The following SPRY4 variants were observed in gnomAD, a reference collection of about 807,000 sequenced individuals.
SPRY4 encodes the protein sprouty RTK signaling antagonist 4.
A neutral mutation model predicts 17.0 loss-of-function variants in SPRY4; 7 were observed. The observed-to-expected ratio is 0.41, with a 90% CI of 0.23 to 0.77. The LOEUF (loss-of-function observed/expected upper bound fraction) is 0.77. Ranked by LOEUF, SPRY4 falls within the 30% of genes least tolerant of loss-of-function variation. The pLI, the probability that SPRY4 is intolerant of heterozygous loss-of-function variation, is 0.32. For missense variants in SPRY4, 435 were observed against 419.9 expected, an observed-to-expected ratio of 1.04 and a Z score of -0.31; for synonymous variants, 183 against 174.1, an observed-to-expected ratio of 1.05 and a Z score of -0.40.
At chr5:142,320,958 C>T (rs1482929327) in intron 1 of SPRY4, among the ~76,000 whole-genome samples, 1 of 152,260 alleles carries the variant, frequency 6.6e-6, no homozygotes, top group African/African-American at 2.4e-5. Flanking sequence ...CCAGATCCAG[C>T]ACATCTGTGC....
chr5:142,317,942 C>T, intron 1 of SPRY4: 1 of 985,372 alleles, frequency 1.0e-6, no homozygotes, highest in South Asian at 4.7e-5. Context: ...CCGATGGCTC[C>T]ACTGGGCATA....
chr5:142,320,545 CTATT>C (rs1241400917), intron 1 of SPRY4, among the ~76,000 whole-genome samples: 3 of 152,034 alleles, frequency 2.0e-5, no homozygotes, highest in African/African-American at 7.3e-5. Flanking sequence ...GGGCTTTGGG[CTATT>C]TAATCAGCTT....
At position 142,313,529 on chromosome 5, in the gene SPRY4, A is replaced by G. The variant is rs1295144820; in HGVS notation, c.*680T>C. 6.6e-6 allele frequency: 1 copy of G among 151,938 alleles called. No homozygotes were observed. Among genetic ancestry groups the G allele is most frequent in the Non-Finnish European group, 1.5e-5 (1 of 68,060 alleles). The allele number at this position is 151,938 out of a possible 1,614,324, so 9.4% of individuals were successfully genotyped here. ...GCAGTTGGAAGGGAGAAGTGCACTG[A>G]GCAGTGGCTCCTAAATCCATCCTGT... On this transcript the variant is annotated 3_prime_UTR_variant, in exon 2 of 2. Transcript: ENST00000434127.
At chr5:142,316,890 C>T (rs1043720804) in intron 1 of SPRY4, among the ~76,000 whole-genome samples, 5 of 152,258 alleles carry the variant, frequency 3.3e-5, no homozygotes, top group Non-Finnish European at 7.3e-5. Context: ...CAACTATTGG[C>T]TTTGCTCCCA....
At chr5:142,317,498 G>A (rs1254809203) in intron 1 of SPRY4, 1 of 985,362 alleles carries the variant, frequency 1.0e-6, no homozygotes. Context: ...CCAACACAAT[G>A]TAGGCAGCAG....
At chr5:142,317,846 T>C in intron 1 of SPRY4, 1 of 985,358 alleles carries the variant, frequency 1.0e-6, no homozygotes, top group Non-Finnish European at 1.2e-6. Flanking sequence ...GAGGCAGCTG[T>C]CAACATCTGG....
chr5:142,324,979 T>G lies in SPRY4; in HGVS notation c.-183A>C, dbSNP rs146162871. The G allele has an allele frequency of 5.2e-5, 8 of 152,640 alleles. No individual in the cohort carries two copies. Among genetic ancestry groups the G allele is most frequent in the African/African-American group, 1.9e-4 (8 of 41,456 alleles). The allele number at this position is 152,640 out of a possible 1,614,324, so 9.5% of individuals were successfully genotyped here. Reference sequence around the variant, plus strand: ...GCTCCCTGCGCTCCACAGCGCCAGCTCCGCGCTGTCAGCTCAGCTCGCTAC... The same window carrying G: ...GCTCCCTGCGCTCCACAGCGCCAGCGCCGCGCTGTCAGCTCAGCTCGCTAC... On this transcript the variant is annotated 5_prime_UTR_variant, in exon 1 of 2. Coordinates refer to ENST00000434127, the MANE Select transcript of SPRY4 (RefSeq NM_001127496.3).
chr5:142,314,009 C>T lies in SPRY4; in HGVS notation c.*200G>A, dbSNP rs1325280520. 2 of 612,820 alleles carry T rather than the reference C, an allele frequency of 3.3e-6. No homozygotes were observed. Among genetic ancestry groups the T allele is most frequent in the East Asian group, 5.5e-5 (2 of 36,038 alleles). 38.0% of individuals were successfully genotyped at this position (612,820 alleles called of 1,614,324 possible). A position where few individuals can be genotyped will look rare whatever the true frequency, so the allele number is the denominator to read the frequency against. ...AGTTTCAGGACCCTGAAAAAAAGCC[C>T]CAAAGTGCTTCTTCATCACCTTGGG... On this transcript the variant is annotated 3_prime_UTR_variant, in exon 2 of 2. Coordinates refer to ENST00000434127, the MANE Select transcript of SPRY4 (RefSeq NM_001127496.3). The surrounding 1 kb of genome is among the most constrained non-coding windows in gnomAD (Gnocchi z 4.8).
At position 142,311,114 on chromosome 5, in the gene SPRY4, A is replaced by G. The variant is rs1456730961; in HGVS notation, c.*3095T>C. The G allele has an allele frequency of 1.3e-5, 2 of 152,184 alleles. No individual in the cohort carries two copies. Among genetic ancestry groups the G allele is most frequent in the Middle Eastern group, 3.2e-3 (1 of 316 alleles). The allele number at this position is 152,184 out of a possible 1,614,324, so 9.4% of individuals were successfully genotyped here. ...AAGAACTAGCCATGTCTTCCATCTC[A>G]GCTCTGAGGGGGTGCGTACCAAAGG... On this transcript the variant is annotated 3_prime_UTR_variant, in exon 2 of 2. Transcript: ENST00000434127.
chr5:142,319,910 GA>G, intron 1 of SPRY4: 1 of 970,848 alleles, frequency 1.0e-6, no homozygotes, highest in Non-Finnish European at 1.5e-6. Context: ...GAAATATTGG[GA>G]AAACCTGACA....
At chr5:142,321,213 G>A (rs1174603204) in intron 1 of SPRY4, among the ~76,000 whole-genome samples, 1 of 152,202 alleles carries the variant, frequency 6.6e-6, no homozygotes, top group East Asian at 1.9e-4. Flanking sequence ...TTAAAACTAG[G>A]CCCTCCTCCT....
chr5:142,317,529 A>G, intron 1 of SPRY4: 1 of 985,252 alleles, frequency 1.0e-6, no homozygotes, highest in Non-Finnish European at 1.2e-6. Flanking sequence ...CTATTGCCCC[A>G]TATAGTTGGG....
At chr5:142,318,764 G>C (rs1759245071) in intron 1 of SPRY4, among the ~76,000 whole-genome samples, 3 of 152,130 alleles carry the variant, frequency 2.0e-5, no homozygotes. Context: ...ACTCCACTTA[G>C]CCAAAGAAGC....
intron 1 of SPRY4, among the ~76,000 whole-genome samples, chr5:142,320,333 C>T (rs1265853225): frequency 6.6e-6 from 1 of 151,996 alleles, no homozygotes; most frequent in African/African-American, 2.4e-5. Flanking sequence ...CCTTCCCCCA[C>T]CTCCCTACCC....
Position 142,313,849 on chromosome 5 carries a change from G to A in SPRY4, c.*360C>T, listed in dbSNP as rs139604352. ...AGGGGGGGGGGGCGGAGGGAGGGAG[G>A]GAGAAGGAGGGGCTGGGAAGGCATT... On this transcript the variant is annotated 3_prime_UTR_variant, in exon 2 of 2. Transcript: ENST00000434127. 8.6e-4 allele frequency: 179 copies of A among 207,402 alleles called. 2 individuals are homozygous for A. The highest frequency in any genetic ancestry group is 2.6e-3 in the African/African-American group (113 of 43,188). The allele number at this position is 207,402 out of a possible 1,614,324, so 12.8% of individuals were successfully genotyped here.
At position 142,314,906 on chromosome 5, in the gene SPRY4, C is replaced by A; in HGVS notation, c.203G>T (p.Arg68Leu). Residue 68 changes from arginine to leucine, a missense_variant, in exon 2 of 2, where the codon CGG (arginine) becomes CTG (leucine). Coordinates refer to ENST00000434127, the MANE Select transcript of SPRY4 (RefSeq NM_001127496.3). The surrounding 1 kb of genome is among the most constrained non-coding windows in gnomAD (Gnocchi z 4.8). The stretch of plus-strand genomic sequence containing the variant: ...CGGGGCCAGCTCTGGGGCCCCGCCC[C>A]GGGTCCGCTTTGGGCCGGTGGTCAG... ...LALTTGPKRT[R>L]GGAPELAPTP... 4 of 1,608,484 alleles carry A rather than the reference C, an allele frequency of 2.5e-6. No individual in the cohort carries two copies. In the South Asian group the frequency reaches 3.3e-5, roughly 13 times the overall value.
chr5:142,317,132 G>A, intron 1 of SPRY4: 1 of 985,486 alleles, frequency 1.0e-6, no homozygotes. Flanking sequence ...AGATCCTGTG[G>A]TCAGGGCTGG....
chr5:142,318,966 C>A (rs550108622), intron 1 of SPRY4, among the ~76,000 whole-genome samples: 4 of 152,254 alleles, frequency 2.6e-5, no homozygotes, highest in African/African-American at 9.6e-5. Flanking sequence ...GTCATTTAAT[C>A]CTCACCATAC....
In SPRY4 at chr5:142,314,711, G is replaced by T; in HGVS notation, c.398C>A (p.Pro133His). The change falls in exon 2 of 2, where the codon CCC (proline) becomes CAC (histidine). Residue 133 changes from proline to histidine, a missense_variant. Physicochemically the swap from Pro to His is moderately conservative, Grantham distance 77 (BLOSUM62 -2). Transcript: ENST00000434127. The surrounding 1 kb of genome is among the most constrained non-coding windows in gnomAD (Gnocchi z 4.8). ...CAGCGGCTGGCAGTGGACCACCTTG[G>T]GCTGGATGCGCACAGCCCTTGGTGA... is the stretch of plus-strand genomic sequence containing the variant. ...QASPRAVRIQ[P>H]KVVHCQPLDL... The T allele has an allele frequency of 6.2e-7, 1 of 1,613,648 alleles. No individual in the cohort carries two copies. Among genetic ancestry groups the T allele is most frequent in the East Asian group, 2.2e-5 (1 of 44,878 alleles).
Sources: allele counts gnomAD v4.1 joint callset (sites outside exome capture counted in the v4.1 genomes callset), GRCh38; gene constraint gnomAD v4.1.1; non-coding constraint Gnocchi (gnomAD v3.1); transcripts MANE v1.5; gene names NCBI Gene and HGNC (gene_info 2026-07-23, HGNC 2026-07-21).